RHBDF2: variants seen among roughly 807,000 people sequenced by gnomAD.
RHBDF2 encodes inactive rhomboid protein 2.
Under a neutral mutation model 95.2 loss-of-function variants are expected in RHBDF2, and 38 were observed. The observed-to-expected ratio is 0.40, with a 90% confidence interval of 0.31 to 0.52. RHBDF2 has a LOEUF of 0.52. Ranked by LOEUF, RHBDF2 falls within the 20% of genes least tolerant of loss-of-function variation. The probability of loss-of-function intolerance (pLI) is 0.56; values close to 1 mark genes in which losing one functional copy is unlikely to be tolerated. For missense variants in RHBDF2, 863 were observed against 1,137.7 expected (o/e 0.76, Z 3.47); for synonymous variants, 442 against 462.0 (o/e 0.96, Z 0.55).
At position 76,478,438 on chromosome 17, in the gene RHBDF2, C is replaced by T. The variant is rs374304686; in HGVS notation, c.672+368G>A. ...GAATGGTGACCCTCACCCTGGGCTGCGAGCTCAGCCAGGATGGCGATGGCT... is the reference window on the plus strand; with the variant it reads ...GAATGGTGACCCTCACCCTGGGCTGTGAGCTCAGCCAGGATGGCGATGGCT... On this transcript the variant is annotated intron_variant, in intron 6 of 18. Coordinates refer to ENST00000675367, the MANE Select transcript of RHBDF2 (RefSeq NM_001005498.4). Among the ~76,000 whole-genome samples the T allele has an allele frequency of 5.3e-5, 8 of 152,368 alleles. No homozygotes were observed. The East Asian group carries it at 5.8e-4, about 11-fold the overall frequency.
In RHBDF2 at chr17:76,479,059, C is replaced by G. The variant is rs1355730101; in HGVS notation, c.468+23G>C. 5 of 1,613,194 alleles carry G rather than the reference C, an allele frequency of 3.1e-6. No individual in the cohort carries two copies. In the African/African-American group the frequency reaches 5.3e-5, roughly 17 times the overall value. ...AGAGCCATTAGGGTCCCCACCCCTG[C>G]CTCCTTTCCCCATGGATCCCACCTT... On this transcript the variant is annotated intron_variant, in intron 5 of 18. Transcript: ENST00000675367.
At position 76,475,033 on chromosome 17, in the gene RHBDF2, C is replaced by T. The variant is rs767539442; in HGVS notation, c.1224G>A (p.Gln408=). 1.3e-6 allele frequency: 2 copies of T among 1,581,500 alleles called. No homozygotes were observed. Among genetic ancestry groups the T allele is most frequent in the Non-Finnish European group, 1.7e-6 (2 of 1,163,778 alleles). Residue 408 remains glutamine (Q), a synonymous_variant, in exon 10 of 19, where the codon CAG becomes CAA. Transcript: ENST00000675367. ...CATGGAGCCTGACCCGACTCACCAGCTGGGTGGTGACGTGCTGGGCAAAGC... is the reference window on the plus strand; with the variant it reads ...CATGGAGCCTGACCCGACTCACCAGTTGGGTGGTGACGTGCTGGGCAAAGC... ...PVGFAQHVTT[Q]LVLRNKGVYE... is the part of the protein sequence containing the mutation.
intron 6 of RHBDF2, 68 bp downstream of exon 6, chr17:76,478,738 A>T: frequency 7.6e-7 from 1 of 1,308,390 alleles, no homozygotes; most frequent in Non-Finnish European, 1.1e-6. Flanking sequence ...TACTATGAGG[A>T]GTGGAAGGGA....
At chr17:76,485,993 G>C (rs966035812) in intron 2 of RHBDF2, among the ~76,000 whole-genome samples, 2 of 151,768 alleles carry the variant, frequency 1.3e-5, no homozygotes, top group African/African-American at 2.4e-5. Flanking sequence ...ACAGCTAAAG[G>C]GTGCAGGCTT....
Position 76,471,935 on chromosome 17 carries a change from G to C in RHBDF2, c.2182C>G (p.Leu728Val). 1 of 1,572,466 alleles carries C rather than the reference G, an allele frequency of 6.4e-7. No individual in the cohort carries two copies. Among genetic ancestry groups the C allele is most frequent in the Non-Finnish European group, 8.6e-7 (1 of 1,158,700 alleles). Reference sequence around the variant, plus strand: ...AGGAGGCCACAGATGAACAGGAAGAGCACGATGGCCGAGAGGTTGAGGAAG... The same window carrying C: ...AGGAGGCCACAGATGAACAGGAAGACCACGATGGCCGAGAGGTTGAGGAAG... ...KAFLNLSAIV[L>V]FLFICGLLPW... The change falls in exon 19 of 19, where the codon CTC (leucine) becomes GTC (valine). Residue 728 changes from leucine to valine, a missense_variant. Transcript: ENST00000675367.
chr17:76,488,536 G>A (rs2144334877), intron 1 of RHBDF2, among the ~76,000 whole-genome samples: 1 of 152,166 alleles, frequency 6.6e-6, no homozygotes, highest in South Asian at 2.1e-4. Context: ...TGGGCAGGGT[G>A]CAGGCGCTCA....
chr17:76,499,591 G>A (rs886908379), intron 1 of RHBDF2, among the ~76,000 whole-genome samples: 2 of 152,128 alleles, frequency 1.3e-5, no homozygotes, highest in Admixed American at 6.5e-5. Flanking sequence ...CCTCTTTATT[G>A]CAGGACAAAA....
chr17:76,492,188 C>T (rs1161214586), intron 1 of RHBDF2, among the ~76,000 whole-genome samples: 3 of 152,178 alleles, frequency 2.0e-5, no homozygotes, highest in Non-Finnish European at 4.4e-5. Flanking sequence ...ATTTCCTCCT[C>T]CTTTAGGGTG....
At chr17:76,496,153 G>T (rs746735271) in intron 1 of RHBDF2, among the ~76,000 whole-genome samples, 3 of 152,190 alleles carry the variant, frequency 2.0e-5, no homozygotes, top group Non-Finnish European at 2.9e-5. Context: ...GCCCCACCAC[G>T]GAGGGAGCCA....
intron 1 of RHBDF2, among the ~76,000 whole-genome samples, chr17:76,495,679 AG>A (rs1313061151): frequency 6.6e-6 from 1 of 152,172 alleles, no homozygotes; most frequent in African/African-American, 2.4e-5. Context: ...TGCAGAGCCC[AG>A]GGAGCCGACG....
At chr17:76,479,394 G>T in intron 4 of RHBDF2, 117 bp from the exon 5 acceptor site, 1 of 1,427,902 alleles carries the variant, frequency 7.0e-7, no homozygotes. Context: ...GTGGGGGGCG[G>T]ATCTGCCTGT....
At chr17:76,499,853 T>C (rs952472192) in intron 1 of RHBDF2, among the ~76,000 whole-genome samples, 5 of 146,514 alleles carry the variant, frequency 3.4e-5, no homozygotes, top group Non-Finnish European at 1.5e-5. Flanking sequence ...CCAGCCTTCC[T>C]GGGAGATTGC....
chr17:76,475,178 C>T (rs2073731554), intron 9 of RHBDF2, 37 bp from the exon 10 acceptor site: 2 of 1,460,902 alleles, frequency 1.4e-6, no homozygotes, highest in East Asian at 4.8e-5. Context: ...GAGCCGAGCT[C>T]CTATCCCAAC....
chr17:76,475,293 A>G, intron 9 of RHBDF2, 152 bp from the exon 10 acceptor site: 1 of 603,382 alleles, frequency 1.7e-6, no homozygotes. Flanking sequence ...TTTTAAGACG[A>G]GCCTCCAAGC....
At chr17:76,495,725 C>A (rs1289014713) in intron 1 of RHBDF2, among the ~76,000 whole-genome samples, 1 of 152,196 alleles carries the variant, frequency 6.6e-6, no homozygotes, top group East Asian at 1.9e-4. Flanking sequence ...ACACTCAGAG[C>A]GCTTCTGGAG....
At chr17:76,474,645 G>T in intron 11 of RHBDF2, 85 bp downstream of exon 11, 1 of 1,612,034 alleles carries the variant, frequency 6.2e-7, no homozygotes, top group South Asian at 1.1e-5. Context: ...GCCTGCGGGT[G>T]GGTGAGGAGC....
chr17:76,481,514 G>A lies in RHBDF2; in HGVS notation c.11C>T (p.Ala4Val). Residue 4 changes from alanine (A) to valine (V), a missense_variant, in exon 3 of 19, where the codon GCT (alanine) becomes GTT (valine). This residue lies in a region of RHBDF2 where 611 missense variants were observed against 725.5 expected (regional missense o/e 0.84). Transcript: ENST00000675367. MASADKNGGSVSSV... is the reference protein window; with the variant it reads MASVDKNGGSVSSV... ...GGACACGCTCCCGCCATTCTTGTCA[G>A]CAGAGGCCATTGTGGGCAGGAGGCG... 6.2e-6 allele frequency: 10 copies of A among 1,609,910 alleles called. No individual in the cohort carries two copies. The highest frequency in any genetic ancestry group is 8.5e-6 in the Non-Finnish European group (10 of 1,179,758).
At chr17:76,487,441 G>C (rs888616949) in intron 2 of RHBDF2, 5 of 151,870 alleles carry the variant, frequency 3.3e-5, no homozygotes, top group African/African-American at 7.3e-5. Context: ...AGTAGAGATG[G>C]GGTTTTGCCA....
chr17:76,481,952 A>AACACAC (rs563875703), intron 2 of RHBDF2: 6,191 of 128,990 alleles, frequency 0.048, 198 homozygotes, highest in East Asian at 0.056. Flanking sequence ...TCTGTCTGAA[A>AACACAC]ACACACACAC....
Sources: gnomAD v4.1 joint callset for allele counts (sites outside exome capture counted in the v4.1 genomes callset) on GRCh38, gnomAD v4.1.1 for gene constraint, gnomAD v4.1.1 regional missense constraint, MANE v1.5 for transcripts, NCBI Gene and HGNC (gene_info 2026-07-23, HGNC 2026-07-21) for gene names.